DAB1: variants seen among roughly 807,000 people sequenced by gnomAD.
DAB1 encodes DAB adaptor protein 1.
In DAB1, 15 loss-of-function variants were observed where a neutral mutation model predicts 64.6. The ratio of observed to expected loss-of-function variants is 0.23; its 90% confidence interval spans 0.16 to 0.36. The LOEUF (loss-of-function observed/expected upper bound fraction) is 0.36, where lower values mean the gene tolerates loss of function less well. Ranked by LOEUF, DAB1 falls within the 10% of genes least tolerant of loss-of-function variation. The pLI, the probability that DAB1 is intolerant of heterozygous loss-of-function variation, is 1.00. For missense variants in DAB1, 596 were observed against 706.7 expected (o/e 0.84, Z 1.78); for synonymous variants, 235 against 251.9 (o/e 0.93, Z 0.64).
intron 5 of DAB1, among the ~76,000 whole-genome samples, chr1:57,956,589 CAGCACA>C (rs1227646487): frequency 6.6e-6 from 1 of 152,176 alleles, no homozygotes; most frequent in Non-Finnish European, 1.5e-5. Flanking sequence ...TAAAGACATC[CAGCACA>C]CCAAAACAGG....
At chr1:58,337,287 A>C (rs1663142472) in intron 4 of DAB1, among the ~76,000 whole-genome samples, 1 of 127,612 alleles carries the variant, frequency 7.8e-6, no homozygotes, top group South Asian at 2.5e-4. Context: ...GTCTCAAAGA[A>C]AAAAAAAAAA....
chr1:57,737,249 G>A (rs1000360557), intron 6 of DAB1, among the ~76,000 whole-genome samples: 5 of 152,188 alleles, frequency 3.3e-5, no homozygotes, highest in Non-Finnish European at 5.9e-5. Flanking sequence ...GGTGCTTGTT[G>A]AGGCAGTGCA....
At chr1:57,575,810 C>A (rs1193437592) in intron 7 of DAB1, among the ~76,000 whole-genome samples, 3 of 152,080 alleles carry the variant, frequency 2.0e-5, no homozygotes, top group Non-Finnish European at 4.4e-5. Context: ...CAAGTTCTGA[C>A]CTATACCCTG....
chr1:57,155,534 G>C (rs568499203), intron 2 of DAB1, among the ~76,000 whole-genome samples: 13 of 150,952 alleles, frequency 8.6e-5, no homozygotes, highest in African/African-American at 3.2e-4. Flanking sequence ...AGTTTTTTGT[G>C]GTTCCATATA....
At chr1:57,244,556 T>C (rs1435529382) in intron 2 of DAB1, among the ~76,000 whole-genome samples, 1 of 152,184 alleles carries the variant, frequency 6.6e-6, no homozygotes, top group Non-Finnish European at 1.5e-5. Context: ...GAAAACTCTG[T>C]CTTGAGACAT....
At chr1:57,164,252 C>T (rs1023447299) in intron 2 of DAB1, among the ~76,000 whole-genome samples, 1 of 152,136 alleles carries the variant, frequency 6.6e-6, no homozygotes, top group Non-Finnish European at 1.5e-5. Context: ...GCTGCTGCTT[C>T]TTAGCACAGA....
At position 57,343,801 on chromosome 1, in the gene DAB1, C is replaced by T. The variant is rs1448788409; in HGVS notation, c.-136-52635G>A. The stretch of plus-strand genomic sequence containing the variant: ...ACCGACGCCTCTCCATCCACACCTC[C>T]CCAAAAGCTGAGGGAGCTGGCTCTG... On this transcript the variant is annotated intron_variant, in intron 1 of 14. Coordinates refer to ENST00000371236, the MANE Select transcript of DAB1 (RefSeq NM_001365792.1). 3.3e-5 allele frequency among the ~76,000 whole-genome samples: 5 copies of T among 152,356 alleles called. No homozygotes were observed. The Middle Eastern group carries it at 0.017, about 518-fold the overall frequency.
rs899354865 is a variant in DAB1, at chr1:58,499,523, T to G, written n.257+6537A>C. On this transcript the variant is annotated intron_variant and non_coding_transcript_variant, in intron 3 of 20. Transcript: ENST00000485760. ...ATAGATAGATAAATAGATAGATAGA[T>G]AGATATTAAAAAGTATAAACTTTCA... is the stretch of plus-strand genomic sequence containing the variant. Among the ~76,000 whole-genome samples the G allele has an allele frequency of 2.6e-5, 4 of 152,018 alleles. No homozygotes were observed. The East Asian group carries it at 7.7e-4, about 29-fold the overall frequency.
At chr1:58,454,075 TC>T (rs1487290714) in intron 3 of DAB1, among the ~76,000 whole-genome samples, 1 of 152,154 alleles carries the variant, frequency 6.6e-6, no homozygotes, top group African/African-American at 2.4e-5. Flanking sequence ...GAGAGAAATA[TC>T]AATTGGCTCA....
At chr1:58,312,413 G>T (rs1662450780) in intron 4 of DAB1, among the ~76,000 whole-genome samples, 1 of 152,194 alleles carries the variant, frequency 6.6e-6, no homozygotes, top group African/African-American at 2.4e-5. Context: ...GACATGCACT[G>T]TCCTTTCCCT....
chr1:57,663,225 C>T (rs4244008), intron 6 of DAB1, among the ~76,000 whole-genome samples: 1 of 151,820 alleles, frequency 6.6e-6, no homozygotes, highest in Non-Finnish European at 1.5e-5. Context: ...TTTCAAATAA[C>T]CAGATCTCAG....
intron 2 of DAB1, among the ~76,000 whole-genome samples, chr1:57,236,997 A>G (rs759687492): frequency 8.5e-5 from 13 of 152,232 alleles, no homozygotes; most frequent in Non-Finnish European, 1.8e-4. Flanking sequence ...TTAAATTTAC[A>G]TCTAAATAGT....
intron 2 of DAB1, among the ~76,000 whole-genome samples, chr1:57,209,887 C>A (rs944872612): frequency 6.6e-6 from 1 of 152,180 alleles, no homozygotes; most frequent in African/African-American, 2.4e-5. Context: ...GTAATAGGAA[C>A]ATAATGAAAT....
intron 7 of DAB1, among the ~76,000 whole-genome samples, chr1:57,632,523 G>A (rs1646002422): frequency 6.6e-6 from 1 of 152,156 alleles, no homozygotes; most frequent in African/African-American, 2.4e-5. Context: ...TGCAGATGGG[G>A]TTGGATGCCA....
chr1:57,718,428 G>A (rs1481553643), intron 6 of DAB1, among the ~76,000 whole-genome samples: 4 of 152,094 alleles, frequency 2.6e-5, no homozygotes, highest in African/African-American at 9.7e-5. Flanking sequence ...TAACTTTCAG[G>A]ATAACTATTC....
At chr1:58,197,599 T>C in intron 4 of DAB1, among the ~76,000 whole-genome samples, 1 of 151,940 alleles carries the variant, frequency 6.6e-6, no homozygotes, top group Non-Finnish European at 1.5e-5. Context: ...TTTCACCATG[T>C]TGGCCAGGAT....
chr1:57,675,573 G>A (rs1298581705), intron 6 of DAB1, among the ~76,000 whole-genome samples: 6 of 152,154 alleles, frequency 3.9e-5, no homozygotes, highest in East Asian at 1.9e-4. Flanking sequence ...GTCACTATAC[G>A]ACTGTTGAGC....
intron 3 of DAB1, among the ~76,000 whole-genome samples, chr1:58,497,346 T>G (rs765802885): frequency 5.9e-5 from 9 of 152,126 alleles, no homozygotes; most frequent in Non-Finnish European, 5.9e-5. Flanking sequence ...GTAACACTGC[T>G]GAGATACAGA....
chr1:57,056,122 C>A (rs1056482963), intron 9 of DAB1, among the ~76,000 whole-genome samples: 4 of 151,976 alleles, frequency 2.6e-5, no homozygotes, highest in Non-Finnish European at 4.4e-5. Context: ...AATGGTAAAG[C>A]TGGGAGTCAA....
Sources: gnomAD v4.1 joint callset for allele counts (sites outside exome capture counted in the v4.1 genomes callset) on GRCh38, gnomAD v4.1.1 for gene constraint, MANE v1.5 for transcripts, NCBI Gene and HGNC (gene_info 2026-07-23, HGNC 2026-07-21) for gene names.